Variants in GARNL3 observed in about 807,000 individuals in gnomAD.
GARNL3 encodes GTPase-activating Rap/Ran-GAP domain-like protein 3.
A neutral mutation model predicts 125.0 loss-of-function variants in GARNL3; 63 were observed. The ratio of observed to expected loss-of-function variants is 0.50; its 90% CI spans 0.41 to 0.62. The LOEUF is 0.62. GARNL3 is among the 20% of genes least tolerant of loss of function. GARNL3 has a pLI of 0.00. For missense variants in GARNL3, 994 were observed against 1,244.0 expected (o/e 0.80, Z 3.02); for synonymous variants, 439 against 457.5 (o/e 0.96, Z 0.52).
intron 1 of GARNL3, among the ~76,000 whole-genome samples, chr9:127,228,229 C>T (rs1320081770): frequency 6.6e-6 from 1 of 152,200 alleles, no homozygotes; most frequent in African/African-American, 2.4e-5. Context: ...CAGTTTTTCA[C>T]TCTTACTAAA....
chr9:127,307,930 G>T (rs1429816783), intron 2 of GARNL3, among the ~76,000 whole-genome samples: 1 of 152,196 alleles, frequency 6.6e-6, no homozygotes, highest in Non-Finnish European at 1.5e-5. Context: ...AGCTTCCTTG[G>T]CTGGACTCCC....
intron 2 of GARNL3, among the ~76,000 whole-genome samples, chr9:127,310,211 G>A (rs1349536987): frequency 6.6e-6 from 1 of 152,168 alleles, no homozygotes. Context: ...TTTCGTTAAT[G>A]CTGGGATGGG....
intron 2 of GARNL3, among the ~76,000 whole-genome samples, chr9:127,309,728 C>T (rs2065045662): frequency 6.7e-6 from 1 of 149,248 alleles, no homozygotes; most frequent in South Asian, 2.3e-4. Flanking sequence ...CCTGTTCTCT[C>T]AACAGTTGCC....
chr9:127,293,537 A>G (rs2064491453), intron 2 of GARNL3, among the ~76,000 whole-genome samples: 1 of 152,096 alleles, frequency 6.6e-6, no homozygotes, highest in South Asian at 2.1e-4. Flanking sequence ...ACCATTGCCT[A>G]ATCCAAGGTT....
chr9:127,340,212 GAC>G (rs763075096), intron 13 of GARNL3, among the ~76,000 whole-genome samples: 14 of 152,142 alleles, frequency 9.2e-5, no homozygotes, highest in Non-Finnish European at 1.6e-4. Flanking sequence ...GAAAGAGAAA[GAC>G]AGAATGAGAA....
intron 20 of GARNL3, chr9:127,356,504 A>C (rs1830697492): frequency 6.6e-6 from 1 of 152,238 alleles, no homozygotes; most frequent in Non-Finnish European, 1.5e-5. Flanking sequence ...AGAGCTGAGA[A>C]GGTATTTTTT....
chr9:127,259,567 G>A (rs925789501), upstream of GARNL3, among the ~76,000 whole-genome samples: 2 of 152,212 alleles, frequency 1.3e-5, no homozygotes, highest in African/African-American at 4.8e-5. Context: ...TAGTGCTGAA[G>A]CATGATGCCA....
intron 1 of GARNL3, among the ~76,000 whole-genome samples, chr9:127,227,649 C>T (rs1046176470): frequency 5.3e-5 from 8 of 151,132 alleles, no homozygotes; most frequent in African/African-American, 1.2e-4. Flanking sequence ...CTGGGCATCG[C>T]GGCTCACACC....
intron 2 of GARNL3, among the ~76,000 whole-genome samples, chr9:127,298,074 A>G (rs1043731028): frequency 2.6e-5 from 4 of 152,230 alleles, no homozygotes; most frequent in Non-Finnish European, 5.9e-5. Context: ...GCCTCTCTGA[A>G]TGGCCTTCCA....
intron 6 of GARNL3, among the ~76,000 whole-genome samples, chr9:127,321,497 G>A (rs946331031): frequency 1.3e-5 from 2 of 152,162 alleles, no homozygotes; most frequent in East Asian, 1.9e-4. Context: ...AGTAGACTGC[G>A]CTGGCTACCA....
intron 6 of GARNL3, 83 bp downstream of exon 6, chr9:127,320,861 T>G (rs3739557): frequency 0.18 from 165,133 of 923,908 alleles, 15,604 homozygotes; most frequent in East Asian, 0.2. Flanking sequence ...ATAATCCTTA[T>G]CCTGGGATGC....
chr9:127,248,992 A>G lies in GARNL3; in HGVS notation c.143+5743A>G, dbSNP rs2063353156. ...AAGACAAGAAAGGGTTGGTTTATTA[A>G]TAAGTTCCCAAAGCTCCAAAGACTA... On this transcript the variant is annotated intron_variant, in intron 2 of 10. Transcript: ENST00000439286. Among the ~76,000 whole-genome samples the G allele has an allele frequency of 2.0e-5, 3 of 152,104 alleles. No homozygotes were observed. The South Asian group carries it at 6.2e-4, about 32-fold the overall frequency.
rs993560903 is a variant in GARNL3 at position 127,393,496 on chromosome 9, G to A, written c.*242G>A. On this transcript the variant is annotated 3_prime_UTR_variant, in exon 28 of 28. Coordinates refer to ENST00000373387, the MANE Select transcript of GARNL3 (RefSeq NM_032293.5). The stretch of plus-strand genomic sequence containing the variant: ...AATAAAGGTGGTAGATTTCATTGAG[G>A]TTTTAGATTGAAACTTTGAATAAAT... 6.4e-6 allele frequency: 2 copies of A among 312,090 alleles called. No homozygotes were observed. Among genetic ancestry groups the A allele is most frequent in the African/African-American group, 4.3e-5 (2 of 47,034 alleles). The allele number at this position is 312,090 out of a possible 1,614,324, so 19.3% of individuals were successfully genotyped here.
At chr9:127,275,054 T>C (rs2063918425) in intron 1 of GARNL3, among the ~76,000 whole-genome samples, 1 of 152,224 alleles carries the variant, frequency 6.6e-6, no homozygotes. Flanking sequence ...GCATCATCTG[T>C]TGTAGCAGGA....
chr9:127,225,816 G>C (rs1689740654), intron 1 of GARNL3, among the ~76,000 whole-genome samples: 1 of 150,796 alleles, frequency 6.6e-6, no homozygotes, highest in Admixed American at 6.6e-5. Flanking sequence ...CGCGCCCCTC[G>C]CGCCCCTTGC....
chr9:127,382,145 CA>C (rs1359743689), intron 22 of GARNL3, among the ~76,000 whole-genome samples: 1 of 151,732 alleles, frequency 6.6e-6, no homozygotes, highest in East Asian at 1.9e-4. Context: ...ACTAAAAATG[CA>C]AAAACTAGCT....
chr9:127,307,669 T>C (rs878895946), intron 2 of GARNL3, among the ~76,000 whole-genome samples: 1 of 152,230 alleles, frequency 6.6e-6, no homozygotes. Flanking sequence ...TCTCTGTATA[T>C]GCAAATGAAA....
In GARNL3 at chr9:127,391,524, C is replaced by CAA. The variant is rs763160611; in HGVS notation, c.2870+766_2870+767dup. 2.1e-3 allele frequency among the ~76,000 whole-genome samples: 145 copies of CAA among 70,470 alleles called. 9 individuals are homozygous for CAA. Among genetic ancestry groups the CAA allele is most frequent in the African/African-American group, 5.6e-3 (130 of 23,028 alleles). The allele number at this position is 70,470 out of a possible 152,430, so 46.2% of individuals were successfully genotyped here. On this transcript the variant is annotated intron_variant, in intron 27 of 27. Coordinates refer to ENST00000373387, the MANE Select transcript of GARNL3 (RefSeq NM_032293.5). ...GGCAACACAGCAAGACCCATCTCTACAAAAAAAAAATATATATATATATAT... is the reference window on the plus strand; with the variant it reads ...GGCAACACAGCAAGACCCATCTCTACAAAAAAAAAAAATATATATATATATAT...
intron 21 of GARNL3, among the ~76,000 whole-genome samples, chr9:127,359,753 G>A (rs1830884463): frequency 1.3e-5 from 2 of 152,146 alleles, no homozygotes; most frequent in Admixed American, 1.3e-4. Context: ...GGTAGCTATA[G>A]AGAATATCAT....
Sources: gnomAD v4.1 joint callset for allele counts (sites outside exome capture counted in the v4.1 genomes callset) on GRCh38, gnomAD v4.1.1 for gene constraint, MANE v1.5 for transcripts, NCBI Gene and HGNC (gene_info 2026-07-23, HGNC 2026-07-21) for gene names.